ABCC2: variants seen among roughly 807,000 people sequenced by gnomAD.
The protein encoded by ABCC2 is ATP-binding cassette sub-family C member 2.
In ABCC2, 157 loss-of-function variants were observed where a neutral mutation model predicts 173.4. The observed-to-expected ratio is 0.91, with a 90% confidence interval of 0.80 to 1.03. ABCC2 has a LOEUF of 1.03. ABCC2 is among the 50% of genes least tolerant of loss of function. The pLI, the probability that ABCC2 is intolerant of heterozygous loss-of-function variation, is 0.00. For synonymous variants in ABCC2, 657 were observed against 693.5 expected (o/e 0.95, Z 0.83); for missense variants, 1,822 against 1,852.3 (o/e 0.98, Z 0.30).
chr10:99,805,848 T>C (rs2038090217), intron 11 of ABCC2, among the ~76,000 whole-genome samples: 1 of 152,192 alleles, frequency 6.6e-6, no homozygotes, highest in African/African-American at 2.4e-5. Context: ...ATAAATGCTG[T>C]GTATGTAGCT....
chr10:99,787,811 C>T (rs1427382179), intron 2 of ABCC2, among the ~76,000 whole-genome samples: 1 of 151,938 alleles, frequency 6.6e-6, no homozygotes, highest in Non-Finnish European at 1.5e-5. Context: ...GCCTGTAATC[C>T]CAACACTTTG....
At chr10:99,785,707 G>T (rs1467062151) in intron 2 of ABCC2, among the ~76,000 whole-genome samples, 1 of 151,964 alleles carries the variant, frequency 6.6e-6, no homozygotes, top group Admixed American at 6.6e-5. Context: ...TTAGTAGGGC[G>T]GGATTTCGCC....
intron 31 of ABCC2, 67 bp downstream of exon 31, chr10:99,850,863 C>T (rs929816508): frequency 2.9e-5 from 45 of 1,549,726 alleles, no homozygotes; most frequent in African/African-American, 1.1e-4. Context: ...CAGTGTCAGC[C>T]GGGAAACACC....
intron 8 of ABCC2, 56 bp from the exon 9 acceptor site, chr10:99,800,330 A>C (rs1404368395): frequency 6.4e-7 from 1 of 1,573,704 alleles, no homozygotes; most frequent in Admixed American, 1.7e-5. Context: ...GTGCATGAGG[A>C]GAGAGGCATC....
At chr10:99,791,685 A>G (rs1015845435) in intron 2 of ABCC2, among the ~76,000 whole-genome samples, 2 of 152,210 alleles carry the variant, frequency 1.3e-5, no homozygotes, top group Admixed American at 6.5e-5. Flanking sequence ...CGACTGTCAC[A>G]TGGCTGGTGG....
intron 3 of ABCC2, among the ~76,000 whole-genome samples, chr10:99,792,749 C>A (rs2037830405): frequency 6.6e-6 from 1 of 152,152 alleles, no homozygotes; most frequent in Non-Finnish European, 1.5e-5. Flanking sequence ...TTTATATAAA[C>A]TTGATATCAA....
At chr10:99,821,095 G>A (rs534876188) in intron 19 of ABCC2, among the ~76,000 whole-genome samples, 106 of 152,306 alleles carry the variant, frequency 7.0e-4, no homozygotes, top group African/African-American at 2.4e-3. Context: ...AGACAAACAC[G>A]TGAACAAAGT....
chr10:99,794,013 T>A lies in ABCC2; in HGVS notation c.576+14T>A, dbSNP rs1245307019. 1.3e-6 allele frequency: 2 copies of A among 1,563,008 alleles called. No individual in the cohort carries two copies. Among genetic ancestry groups the A allele is most frequent in the Admixed American group, 3.3e-5 (2 of 59,928 alleles). On this transcript the variant is annotated intron_variant, in intron 5 of 31. Transcript: ENST00000647814. ...GAGTCATCAAATGTGAGATTCTAAA[T>A]ATGCCCATCTCATATATTACTTAAT...
chr10:99,847,245 A>G (rs537989890), intron 30 of ABCC2, 118 bp downstream of exon 30: 14 of 1,183,016 alleles, frequency 1.2e-5, no homozygotes, highest in East Asian at 2.4e-5. Context: ...TCTGATTCCT[A>G]AAGTGTAAAA....
Position 99,793,690 on chromosome 10 carries a change from G to A in ABCC2, c.468+5G>A. On this transcript the variant is annotated splice_donor_5th_base_variant and intron_variant, in intron 4 of 31. Transcript: ENST00000647814. The stretch of plus-strand genomic sequence containing the variant: ...CTGATCCGGACACTCTTACAGGTAA[G>A]GAAAAAAAGAGTGGATGACATGAGG... The A allele has an allele frequency of 6.2e-7, 1 of 1,613,966 alleles. No individual in the cohort carries two copies. The highest frequency in any genetic ancestry group is 8.5e-7 in the Non-Finnish European group (1 of 1,179,978).
intron 16 of ABCC2, among the ~76,000 whole-genome samples, chr10:99,816,837 T>C (rs955549018): frequency 1.8e-4 from 27 of 152,158 alleles, no homozygotes; most frequent in Admixed American, 6.5e-4. Flanking sequence ...TACTGCCTGA[T>C]GATCTGAGGT....
intron 9 of ABCC2, among the ~76,000 whole-genome samples, chr10:99,802,860 G>A (rs536495266): frequency 9.9e-5 from 15 of 152,250 alleles, no homozygotes; most frequent in Admixed American, 5.2e-4. Context: ...ACAGACCTGT[G>A]GCTATCAGCC....
chr10:99,804,099 G>A lies in ABCC2; in HGVS notation c.1290G>A (p.Lys430=), dbSNP rs1564677033. 1.2e-6 allele frequency: 2 copies of A among 1,614,182 alleles called. No homozygotes were observed. The highest frequency in any genetic ancestry group is 2.2e-5 in the East Asian group (1 of 44,880). The stretch of plus-strand genomic sequence containing the variant: ...ACCTGATGTCTGTGGATGCCCAGAA[G>A]CTCATGGATGTGACCAACTTCATGC... The part of the protein sequence containing the change: ...TVNLMSVDAQ[K]LMDVTNFMHM... Residue 430 remains lysine, a synonymous_variant, in exon 10 of 32, where the codon AAG becomes AAA. Transcript: ENST00000647814.
At chr10:99,818,322 G>A (rs893384934) in intron 17 of ABCC2, among the ~76,000 whole-genome samples, 2 of 152,082 alleles carry the variant, frequency 1.3e-5, no homozygotes, top group Non-Finnish European at 2.9e-5. Flanking sequence ...TATTTAGGAT[G>A]TTTTCATCCT....
chr10:99,785,126 A>G (rs570670260), intron 2 of ABCC2, among the ~76,000 whole-genome samples: 1 of 152,226 alleles, frequency 6.6e-6, no homozygotes, highest in Non-Finnish European at 1.5e-5. Flanking sequence ...ACTGTAATTC[A>G]GTTGGCATCT....
intron 6 of ABCC2, 58 bp from the exon 7 acceptor site, chr10:99,797,039 T>G: frequency 1.2e-5 from 18 of 1,453,422 alleles, no homozygotes; most frequent in Non-Finnish European, 1.5e-5. Context: ...ATAGAAGTGG[T>G]GGAGATAGCC....
At chr10:99,831,460 T>C (rs1250596686) in intron 21 of ABCC2, 151 bp from the exon 22 acceptor site, 1 of 734,930 alleles carries the variant, frequency 1.4e-6, no homozygotes, top group South Asian at 1.4e-5. Flanking sequence ...CCTGGCACAG[T>C]GCAGAAATGG....
rs1491126663 is a variant in ABCC2, at chr10:99,814,794, CAT to C, written c.2094+1653_2094+1654del. Reference sequence around the variant, plus strand: ...GTGTGTGTATGTATATACACACACACATATGTGTGTGTGTATATATATATTTT... The same window carrying C: ...GTGTGTGTATGTATATACACACACACATGTGTGTGTGTATATATATATTTT... On this transcript the variant is annotated intron_variant, in intron 16 of 31. Transcript: ENST00000647814. Among the ~76,000 whole-genome samples the C allele has an allele frequency of 1.2e-3, 112 of 90,730 alleles. 1 individual carries two copies. The highest frequency in any genetic ancestry group is 4.4e-3 in the East Asian group (13 of 2,968). The allele number at this position is 90,730 out of a possible 152,430, so 59.5% of individuals were successfully genotyped here.
intron 30 of ABCC2, among the ~76,000 whole-genome samples, chr10:99,848,621 G>A (rs750432043): frequency 6.6e-6 from 1 of 152,192 alleles, no homozygotes; most frequent in Admixed American, 6.5e-5. Context: ...ATCAGAATCC[G>A]CACTTTAGCA....
Sources: allele counts gnomAD v4.1 joint callset (sites outside exome capture counted in the v4.1 genomes callset), GRCh38; gene constraint gnomAD v4.1.1; transcripts MANE v1.5; gene names NCBI Gene and HGNC (gene_info 2026-07-23, HGNC 2026-07-21).